Variants in SHLD1 observed in about 807,000 individuals in gnomAD.
The protein encoded by SHLD1 is shieldin complex subunit 1, also known as RINN1-REV7-interacting novel NHEJ regulator 3.
Under a neutral mutation model 5.5 loss-of-function variants are expected in SHLD1, and 3 were observed. That is an observed-to-expected ratio of 0.54 (90% confidence interval 0.25 to 1.40). The LOEUF is 1.40. Among genes scored for constraint, SHLD1 ranks in the 40% most tolerant of loss-of-function variants. SHLD1 has a pLI of 0.15. For missense variants in SHLD1, 210 were observed against 244.4 expected (o/e 0.86, Z 0.94); for synonymous variants, 92 against 94.3 (o/e 0.98, Z 0.14).
chr20:5,796,483 A>G (rs1045517797), intron 2 of SHLD1, among the ~76,000 whole-genome samples: 1 of 152,096 alleles, frequency 6.6e-6, no homozygotes, highest in African/African-American at 2.4e-5. Context: ...TAAAACCCAT[A>G]GCGAATTCCC....
chr20:5,832,527 T>C (rs920011084), intron 2 of SHLD1, among the ~76,000 whole-genome samples: 5 of 152,170 alleles, frequency 3.3e-5, no homozygotes, highest in African/African-American at 1.2e-4. Context: ...GGTCTCAAAC[T>C]CCTGGGCTCA....
chr20:5,861,362 C>T lies in SHLD1; in HGVS notation c.179-1662C>T, dbSNP rs1041782826. Among the ~76,000 whole-genome samples, 31 of 152,206 alleles carry T rather than the reference C, an allele frequency of 2.0e-4. 1 individual carries two copies. Among genetic ancestry groups the T allele is most frequent in the Admixed American group, 2.6e-4 (4 of 15,286 alleles). ...TATTTCAGTTGTTTAATGTCTGTAACGATGTCTCTTCTTCCTACTTAGATT... is the reference window on the plus strand; with the variant it reads ...TATTTCAGTTGTTTAATGTCTGTAATGATGTCTCTTCTTCCTACTTAGATT... On this transcript the variant is annotated intron_variant, in intron 2 of 2. Transcript: ENST00000303142.
Position 5,863,493 on chromosome 20 carries a change from T to C in SHLD1, c.*30T>C. On this transcript the variant is annotated 3_prime_UTR_variant, in exon 3 of 3. Transcript: ENST00000303142. ...TGCCGGGCAGTGTGCAGGGTAGTAA[T>C]GGAGGTGCTGTGCCATGACCAGCAG... The C allele has an allele frequency of 1.3e-6, 2 of 1,561,758 alleles. No homozygotes were observed. Among genetic ancestry groups the C allele is most frequent in the Non-Finnish European group, 8.7e-7 (1 of 1,154,830 alleles).
At chr20:5,831,844 T>G (rs1373364976) in intron 2 of SHLD1, among the ~76,000 whole-genome samples, 1 of 152,256 alleles carries the variant, frequency 6.6e-6, no homozygotes, top group African/African-American at 2.4e-5. Flanking sequence ...ATAATCCTTC[T>G]ACAGAGGGAA....
At chr20:5,758,426 T>TA in intron 1 of SHLD1, among the ~76,000 whole-genome samples, 1 of 141,450 alleles carries the variant, frequency 7.1e-6, no homozygotes, top group African/African-American at 2.7e-5. Context: ...TTTTTTTATA[T>TA]TTTTTTTTTT....
At chr20:5,782,722 A>G (rs1467131802) in intron 2 of SHLD1, among the ~76,000 whole-genome samples, 2 of 152,200 alleles carry the variant, frequency 1.3e-5, no homozygotes, top group East Asian at 3.8e-4. Flanking sequence ...TTGTGTATTT[A>G]GGCATTTCAT....
chr20:5,794,016 T>G lies in SHLD1; in HGVS notation c.178+20973T>G, dbSNP rs547050952. ...TGAGCCACCACGCCAGGCCCCTTTCTCTCTGGTTTTAGATGTTCCCCTCAC... is the reference window on the plus strand; with the variant it reads ...TGAGCCACCACGCCAGGCCCCTTTCGCTCTGGTTTTAGATGTTCCCCTCAC... On this transcript the variant is annotated intron_variant, in intron 2 of 2. Transcript: ENST00000303142. 2.0e-5 allele frequency among the ~76,000 whole-genome samples: 3 copies of G among 151,456 alleles called. No homozygotes were observed. The South Asian group carries it at 6.3e-4, about 32-fold the overall frequency.
At chr20:5,781,921 C>G (rs560310796) in intron 2 of SHLD1, among the ~76,000 whole-genome samples, 4 of 152,146 alleles carry the variant, frequency 2.6e-5, no homozygotes, top group Non-Finnish European at 5.9e-5. Flanking sequence ...TTTCAACAAC[C>G]GGCACGACTG....
chr20:5,783,711 C>A (rs1485883443), intron 2 of SHLD1, among the ~76,000 whole-genome samples: 1 of 152,124 alleles, frequency 6.6e-6, no homozygotes, highest in Non-Finnish European at 1.5e-5. Flanking sequence ...TTACAGTCTC[C>A]GAGCTGGTGG....
At chr20:5,838,329 G>T (rs1290178174) in intron 2 of SHLD1, among the ~76,000 whole-genome samples, 2 of 152,180 alleles carry the variant, frequency 1.3e-5, no homozygotes, top group Admixed American at 6.5e-5. Context: ...AGTTGGAGTG[G>T]TAGATTATGG....
Position 5,764,137 on chromosome 20 carries a change from A to ATAT in SHLD1, c.-4-8725_-4-8724insTAT, listed in dbSNP as rs1450130967. Among the ~76,000 whole-genome samples, 68 of 95,826 alleles carry ATAT rather than the reference A, an allele frequency of 7.1e-4. 2 individuals are homozygous for ATAT. The highest frequency in any genetic ancestry group is 1.9e-3 in the African/African-American group (41 of 21,046). 62.9% of individuals were successfully genotyped at this position (95,826 alleles called of 152,430 possible). On this transcript the variant is annotated intron_variant, in intron 1 of 2. Transcript: ENST00000303142. The stretch of plus-strand genomic sequence containing the variant: ...GCAAGGCTCTGTCTCAAAAAAAAAA[A>ATAT]AAATATATATATATTTATATTTATA...
chr20:5,821,043 G>A (rs1199971561), intron 2 of SHLD1, among the ~76,000 whole-genome samples: 1 of 152,252 alleles, frequency 6.6e-6, no homozygotes, highest in African/African-American at 2.4e-5. Flanking sequence ...AGTATTGGAT[G>A]TTAAGGCAGC....
intron 2 of SHLD1, among the ~76,000 whole-genome samples, chr20:5,805,043 T>C (rs1219451309): frequency 6.6e-6 from 1 of 152,218 alleles, no homozygotes; most frequent in African/African-American, 2.4e-5. Flanking sequence ...AGAATAATAC[T>C]ATCTTGGCCT....
intron 2 of SHLD1, among the ~76,000 whole-genome samples, chr20:5,776,596 C>G (rs996548654): frequency 6.6e-6 from 1 of 151,972 alleles, no homozygotes; most frequent in African/African-American, 2.4e-5. Flanking sequence ...AACCCTGTCT[C>G]TAATAAAAAT....
intron 2 of SHLD1, among the ~76,000 whole-genome samples, chr20:5,837,020 A>G (rs913366577): frequency 6.6e-6 from 1 of 152,186 alleles, no homozygotes; most frequent in African/African-American, 2.4e-5. Context: ...TACAAGAAAT[A>G]TAGGAGTGGA....
chr20:5,807,393 C>A (rs918918478), intron 2 of SHLD1, among the ~76,000 whole-genome samples: 1 of 138,580 alleles, frequency 7.2e-6, no homozygotes, highest in Non-Finnish European at 1.6e-5. Context: ...CTCTTTTTTC[C>A]TTTTTTTTGA....
At chr20:5,812,546 A>G in intron 2 of SHLD1, among the ~76,000 whole-genome samples, 1 of 152,332 alleles carries the variant, frequency 6.6e-6, no homozygotes, top group South Asian at 2.1e-4. Flanking sequence ...ACAGAGCCAG[A>G]AGTCCTCAGG....
intron 1 of SHLD1, among the ~76,000 whole-genome samples, chr20:5,757,810 C>T (rs927352825): frequency 6.6e-6 from 1 of 152,128 alleles, no homozygotes; most frequent in Admixed American, 6.6e-5. Context: ...ACCATGTTGG[C>T]CAGACTGGTT....
chr20:5,761,703 G>C (rs1321645727), intron 1 of SHLD1, among the ~76,000 whole-genome samples: 2 of 151,078 alleles, frequency 1.3e-5, no homozygotes, highest in Admixed American at 6.6e-5. Context: ...CGCTTCCCAG[G>C]TTCAAGTGAT....
Sources: allele counts gnomAD v4.1 joint callset (sites outside exome capture counted in the v4.1 genomes callset), GRCh38; gene constraint gnomAD v4.1.1; transcripts MANE v1.5; gene names NCBI Gene and HGNC (gene_info 2026-07-23, HGNC 2026-07-21).